EOLA1: variants seen among roughly 807,000 people sequenced by gnomAD.
The protein encoded by EOLA1 is endothelium and lymphocyte associated ASCH domain 1, also known as protein EOLA1.
In EOLA1, 1 loss-of-function variant was observed where a neutral mutation model predicts 4.5. The ratio of observed to expected loss-of-function variants is 0.22; its 90% CI spans 0.08 to 1.05. EOLA1 has a LOEUF of 1.05. Among genes scored for constraint, EOLA1 ranks in the 50% least tolerant of loss-of-function variants. EOLA1 has a pLI of 0.57. For synonymous variants in EOLA1, 37 were observed against 52.3 expected, an observed-to-expected ratio of 0.71 and a Z score of 1.26; for missense variants, 69 against 127.2, an observed-to-expected ratio of 0.54 and a Z score of 2.20.
At chrX:149,541,879 G>A (rs1240027077) in intron 1 of EOLA1, 140 bp from the exon 2 acceptor site, 11 of 642,567 alleles carry the variant, frequency 1.7e-5, no homozygotes, top group Non-Finnish European at 2.1e-5. Context: ...ATGTGCACAT[G>A]TGTGTTACTG....
rs1299247498 is a variant in EOLA1 at position 149,547,966 on chromosome X, G to T, written c.*1004G>T. Reference sequence around the variant, plus strand: ...CTGTTTGAAGATACAGGAAGATATTGCCGGAATCAGGCGTCTATTCTTTCT... The same window carrying T: ...CTGTTTGAAGATACAGGAAGATATTTCCGGAATCAGGCGTCTATTCTTTCT... On this transcript the variant is annotated 3_prime_UTR_variant, in exon 5 of 5. Transcript: ENST00000393985. Among the ~76,000 whole-genome samples, 1 of 96,586 alleles carries T rather than the reference G, an allele frequency of 1.0e-5. No homozygotes were observed. The highest frequency in any genetic ancestry group is 2.1e-5 in the Non-Finnish European group (1 of 48,607). 83.9% of individuals were successfully genotyped at this position (96,586 alleles called of 115,157 possible).
At chrX:149,544,719 G>A (rs1557347182) in intron 2 of EOLA1, 6 of 751,167 alleles carry the variant, frequency 8.0e-6, no homozygotes, top group Non-Finnish European at 9.4e-6. Context: ...AGGAGGCTGG[G>A]CAAGAGTTGT....
rs2089877990 is a variant in EOLA1 at position 149,547,805 on chromosome X, C to T, written c.*843C>T. On this transcript the variant is annotated 3_prime_UTR_variant, in exon 5 of 5. Coordinates refer to ENST00000393985, the MANE Select transcript of EOLA1 (RefSeq NM_001171907.3). Reference sequence around the variant, plus strand: ...GAGCCAGGATGTTATGGTGGTTGTACATCCCATGGCAGATGGGGTGGCCTG... The same window carrying T: ...GAGCCAGGATGTTATGGTGGTTGTATATCCCATGGCAGATGGGGTGGCCTG... 1 of 104,609 alleles carries T rather than the reference C, an allele frequency of 9.6e-6. No homozygotes were observed. Among genetic ancestry groups the T allele is most frequent in the Non-Finnish European group, 1.5e-5 (1 of 65,586 alleles). 8.6% of individuals were successfully genotyped at this position (104,609 alleles called of 1,213,427 possible). A position where few individuals can be genotyped will look rare whatever the true frequency, so the allele number is the denominator to read the frequency against.
In EOLA1 at chrX:149,544,633, G is replaced by A. The variant is rs610833; in HGVS notation, c.-162-735G>A. Reference sequence around the variant, plus strand: ...ATGACTGGGCTGAGGTTCTGGTTTCGAGCCCAGGGTTCCTTCCAAGGCACA... The same window carrying A: ...ATGACTGGGCTGAGGTTCTGGTTTCAAGCCCAGGGTTCCTTCCAAGGCACA... On this transcript the variant is annotated intron_variant, in intron 2 of 4. Transcript: ENST00000393985. 414 of 751,000 alleles carry A rather than the reference G, an allele frequency of 5.5e-4. 1 individual carries two copies. The South Asian group carries it at 9.6e-3, about 17-fold the overall frequency. The allele number at this position is 751,000 out of a possible 1,213,427, so 61.9% of individuals were successfully genotyped here.
downstream of EOLA1, among the ~76,000 whole-genome samples, chrX:149,553,805 T>C (rs2089913714): frequency 1.9e-5 from 2 of 107,013 alleles, no homozygotes; most frequent in Admixed American, 1.0e-4. Context: ...TGAGCTCCTA[T>C]TGAGACAGGA....
chrX:149,544,532 G>A (rs1175023268), intron 2 of EOLA1: 21 of 750,513 alleles, frequency 2.8e-5, no homozygotes, highest in Middle Eastern at 7.5e-4. Context: ...TAGGTGCCAC[G>A]TACTGGGCTG....
At chrX:149,541,769 G>C (rs782269319) in intron 1 of EOLA1, 12 of 754,858 alleles carry the variant, frequency 1.6e-5, no homozygotes, top group Non-Finnish European at 1.7e-5. Flanking sequence ...GCTCAACATG[G>C]TGAAATGATT....
rs782160314 is a variant in EOLA1, at chrX:149,544,904, G to GT, written c.-162-462dup. 5.3e-6 allele frequency: 4 copies of GT among 752,081 alleles called. No individual in the cohort carries two copies. The African/African-American group carries it at 9.3e-5, about 18-fold the overall frequency. 62.0% of individuals were successfully genotyped at this position (752,081 alleles called of 1,213,427 possible). On this transcript the variant is annotated intron_variant, in intron 2 of 4. Transcript: ENST00000393985. ...AGGCATGTGTGTGGGGTTGCTAGTT[G>GT]TTCTGATTATCATTCTTCTTTTCTC... is the stretch of plus-strand genomic sequence containing the variant.
At chrX:149,544,335 A>G (rs2089792380) in intron 2 of EOLA1, among the ~76,000 whole-genome samples, 1 of 77,134 alleles carries the variant, frequency 1.3e-5, no homozygotes, top group Admixed American at 1.5e-4. Context: ...CTTTGGCCCT[A>G]TCAGGGCTTT....
intron 2 of EOLA1, 96 bp from the exon 3 acceptor site, chrX:149,545,272 G>A: frequency 1.2e-6 from 1 of 826,067 alleles, no homozygotes. Context: ...ACTCTGGCTA[G>A]GCCAAGGGGG....
At position 149,542,771 on chromosome X, in the gene EOLA1, A is replaced by G. The variant is rs1482176624; in HGVS notation, c.-163+686A>G. On this transcript the variant is annotated intron_variant, in intron 2 of 4. Coordinates refer to ENST00000393985, the MANE Select transcript of EOLA1 (RefSeq NM_001171907.3). ...GCAGTTTGCCAAGATGGCTGAAACAAAGGACCATAAAAGGGCTGGCTTAAA... is the reference window on the plus strand; with the variant it reads ...GCAGTTTGCCAAGATGGCTGAAACAGAGGACCATAAAAGGGCTGGCTTAAA... Among the ~76,000 whole-genome samples the G allele has an allele frequency of 4.5e-5, 5 of 110,349 alleles. No individual in the cohort carries two copies. In the Admixed American group the frequency reaches 4.8e-4, roughly 11 times the overall value.
chrX:149,547,404 G>A lies in EOLA1; in HGVS notation c.*442G>A. Reference sequence around the variant, plus strand: ...TAACTAGCATCCAGGCGACAATACAGAAAGTCTGGGACCTGGCACTGAATG... The same window carrying A: ...TAACTAGCATCCAGGCGACAATACAAAAAGTCTGGGACCTGGCACTGAATG... On this transcript the variant is annotated 3_prime_UTR_variant, in exon 5 of 5. Transcript: ENST00000393985. 2 of 772,805 alleles carry A rather than the reference G, an allele frequency of 2.6e-6. No homozygotes were observed. Among genetic ancestry groups the A allele is most frequent in the Non-Finnish European group, 3.1e-6 (2 of 650,005 alleles). The allele number at this position is 772,805 out of a possible 1,213,427, so 63.7% of individuals were successfully genotyped here.
At chrX:149,545,910 G>C in intron 4 of EOLA1, 27 bp downstream of exon 4, 1 of 1,192,564 alleles carries the variant, frequency 8.4e-7, no homozygotes, top group Non-Finnish European at 1.1e-6. Context: ...CAAATGCGCA[G>C]ACAACGCCTA....
At chrX:149,542,134 C>G (rs1557346404) in intron 2 of EOLA1, 49 bp downstream of exon 2, 1 of 485,608 alleles carries the variant, frequency 2.1e-6, no homozygotes, top group East Asian at 1.8e-4. Flanking sequence ...ACATCAGTTC[C>G]TACTAGGGAT....
chrX:149,544,713 G>C (rs369342280), intron 2 of EOLA1: 15 of 751,179 alleles, frequency 2.0e-5, no homozygotes, highest in Non-Finnish European at 2.3e-5. Context: ...ACACGCAGGA[G>C]GCTGGGCAAG....
upstream of EOLA1, chrX:149,541,011 C>G (rs1433984491): frequency 8.8e-6 from 1 of 113,002 alleles, no homozygotes; most frequent in Non-Finnish European, 1.9e-5. Flanking sequence ...TGTATGAAAG[C>G]GGAAGAGTTA....
intron 4 of EOLA1, 92 bp downstream of exon 4, chrX:149,545,975 A>C (rs2089836623): frequency 1.0e-6 from 1 of 969,244 alleles, no homozygotes; most frequent in East Asian, 3.2e-5. Flanking sequence ...TGTCATCTGA[A>C]CTGATTGGCG....
At chrX:149,550,540 G>A (rs2089904720), downstream of EOLA1, 1 of 102,977 alleles carries the variant, frequency 9.7e-6, no homozygotes, top group Non-Finnish European at 1.9e-5. Flanking sequence ...TATTCCCCTT[G>A]GTCAAGTTGT....
chrX:149,541,173 G>A lies in EOLA1; in HGVS notation c.-400G>A, dbSNP rs2089721225. ...TCGTCCTGGCTCCGGTGGCCTCGCT[G>A]GGTCTCGGGGAAGCAGAGGACTGTT... On this transcript the variant is annotated 5_prime_UTR_variant, in exon 1 of 5. Transcript: ENST00000393985. The A allele has an allele frequency of 8.9e-6, 1 of 112,349 alleles. No homozygotes were observed. The highest frequency in any genetic ancestry group is 9.3e-5 in the Admixed American group (1 of 10,699). 9.3% of individuals were successfully genotyped at this position (112,349 alleles called of 1,213,427 possible).
Sources: gnomAD v4.1 joint callset for allele counts (sites outside exome capture counted in the v4.1 genomes callset) on GRCh38, gnomAD v4.1.1 for gene constraint, MANE v1.5 for transcripts, NCBI Gene and HGNC (gene_info 2026-07-23, HGNC 2026-07-21) for gene names.